The following ASCC3 variants were observed in gnomAD, a reference collection of about 807,000 sequenced individuals.
ASCC3 encodes the protein activating signal cointegrator 1 complex subunit 3.
In ASCC3, 158 loss-of-function variants were observed where a neutral mutation model predicts 256.3. That is an observed-to-expected ratio of 0.62 (90% CI 0.54 to 0.70). The LOEUF (loss-of-function observed/expected upper bound fraction) is 0.70, where lower values mean the gene tolerates loss of function less well. Ranked by LOEUF, ASCC3 falls within the 30% of genes least tolerant of loss-of-function variation. The pLI is 0.00. For missense variants in ASCC3, 2,259 were observed against 2,626.0 expected, an observed-to-expected ratio of 0.86 and a Z score of 3.05; for synonymous variants, 948 against 883.4, an observed-to-expected ratio of 1.07 and a Z score of -1.30.
intron 36 of ASCC3, among the ~76,000 whole-genome samples, chr6:100,586,350 A>C (rs144672249): frequency 0.034 from 5,187 of 152,224 alleles, 272 homozygotes; most frequent in African/African-American, 0.12. Flanking sequence ...CTGTGCTAGC[A>C]ATCAGTGAGA....
At chr6:100,843,552 T>C (rs974267981) in intron 4 of ASCC3, among the ~76,000 whole-genome samples, 4 of 152,184 alleles carry the variant, frequency 2.6e-5, no homozygotes, top group African/African-American at 9.7e-5. Flanking sequence ...GCATGTAATA[T>C]TGAAATAATA....
intron 36 of ASCC3, among the ~76,000 whole-genome samples, chr6:100,574,832 C>T (rs920832273): frequency 3.3e-5 from 5 of 151,968 alleles, no homozygotes; most frequent in Middle Eastern, 3.2e-3. Context: ...GGACTTCTAT[C>T]GGGAAAATAT....
intron 30 of ASCC3, among the ~76,000 whole-genome samples, chr6:100,608,992 G>A (rs1262700316): frequency 6.7e-6 from 1 of 149,924 alleles, no homozygotes; most frequent in Non-Finnish European, 1.5e-5. Context: ...TCGATCTCCT[G>A]GCCTCGTGAT....
chr6:100,518,239 C>A (rs1582375647), intron 37 of ASCC3, 97 bp from the exon 38 acceptor site: 3 of 1,330,520 alleles, frequency 2.3e-6, no homozygotes, highest in East Asian at 4.9e-5. Context: ...AACAAAGAAA[C>A]CAAGCATTGT....
chr6:100,781,352 G>A (rs1782439129), intron 8 of ASCC3, among the ~76,000 whole-genome samples: 1 of 151,984 alleles, frequency 6.6e-6, no homozygotes, highest in Non-Finnish European at 1.5e-5. Flanking sequence ...AGCTTGGATT[G>A]CAACTGCTCG....
intron 4 of ASCC3, among the ~76,000 whole-genome samples, chr6:100,812,920 ACT>A (rs1421268266): frequency 1.3e-5 from 2 of 151,592 alleles, no homozygotes; most frequent in African/African-American, 4.8e-5. Flanking sequence ...AGAGAGCAAC[ACT>A]CTGTCTCAAA....
chr6:100,868,493 A>C (rs1001846329), intron 1 of ASCC3, among the ~76,000 whole-genome samples: 1 of 152,182 alleles, frequency 6.6e-6, no homozygotes, highest in African/African-American at 2.4e-5. Context: ...ATGCCTCCTA[A>C]GATGCAGCCT....
At chr6:100,869,589 C>T (rs896535214) in intron 1 of ASCC3, among the ~76,000 whole-genome samples, 4 of 151,916 alleles carry the variant, frequency 2.6e-5, no homozygotes, top group Non-Finnish European at 4.4e-5. Flanking sequence ...AAGTGATAAC[C>T]TGGAAAAGAC....
chr6:100,732,206 C>T (rs978154677), intron 10 of ASCC3, among the ~76,000 whole-genome samples: 4 of 149,928 alleles, frequency 2.7e-5, no homozygotes, highest in Middle Eastern at 3.6e-3. Flanking sequence ...TATTGCAATA[C>T]CACACTACTA....
At chr6:100,706,476 A>C (rs1778589538) in intron 13 of ASCC3, among the ~76,000 whole-genome samples, 1 of 151,780 alleles carries the variant, frequency 6.6e-6, no homozygotes, top group Non-Finnish European at 1.5e-5. Context: ...AGTTCCTGAA[A>C]ACAAACCTCT....
chr6:100,597,809 G>GAAA (rs369974362), intron 34 of ASCC3, among the ~76,000 whole-genome samples: 10 of 88,600 alleles, frequency 1.1e-4, no homozygotes, highest in African/African-American at 2.8e-4. Flanking sequence ...CGTCTCTACT[G>GAAA]AAAAAAAAAA....
In ASCC3 at chr6:100,848,418, G is replaced by A. The variant is rs141216798; in HGVS notation, c.531C>T (p.Asp177=). Reference sequence around the variant, plus strand: ...CATTTATTGGCAGTTCGTCAAAGTGGTCCAAATCATGCATGTCAAATGAAA... The same window carrying A: ...CATTTATTGGCAGTTCGTCAAAGTGATCCAAATCATGCATGTCAAATGAAA... ...LAFSFDMHDL[D]HFDELPINGE... is the part of the protein sequence containing the mutation. Residue 177 remains aspartate (D), a synonymous_variant, in exon 4 of 42, where the codon GAC becomes GAT. Coordinates refer to ENST00000369162, the MANE Select transcript of ASCC3 (RefSeq NM_006828.4). The A allele has an allele frequency of 5.0e-5, 80 of 1,612,786 alleles. No homozygotes were observed. The East Asian group carries it at 1.6e-3, about 32-fold the overall frequency.
At chr6:100,631,543 A>G (rs1272465303) in intron 25 of ASCC3, among the ~76,000 whole-genome samples, 1 of 151,892 alleles carries the variant, frequency 6.6e-6, no homozygotes, top group Non-Finnish European at 1.5e-5. Context: ...AATAAAAACA[A>G]AACAAATTAT....
chr6:100,585,067 C>G (rs1007892804), intron 36 of ASCC3, among the ~76,000 whole-genome samples: 1 of 152,042 alleles, frequency 6.6e-6, no homozygotes, highest in Non-Finnish European at 1.5e-5. Context: ...CTTGGAGTTG[C>G]TCTTCTCGAG....
At chr6:100,524,121 G>A (rs1774443534) in intron 37 of ASCC3, among the ~76,000 whole-genome samples, 1 of 152,068 alleles carries the variant, frequency 6.6e-6, no homozygotes. Flanking sequence ...GTTAAGGCTT[G>A]ATTTTGGTTT....
At chr6:100,668,005 G>T (rs1255317015) in intron 14 of ASCC3, among the ~76,000 whole-genome samples, 1 of 151,918 alleles carries the variant, frequency 6.6e-6, no homozygotes, top group Non-Finnish European at 1.5e-5. Context: ...ATAGACAGTG[G>T]CCATTACTGA....
intron 37 of ASCC3, among the ~76,000 whole-genome samples, chr6:100,539,752 A>G (rs1341211738): frequency 6.8e-6 from 1 of 147,196 alleles, no homozygotes; most frequent in East Asian, 1.9e-4. Context: ...CTTTCTCTTT[A>G]TTTATTTTAC....
intron 38 of ASCC3, 38 bp downstream of exon 38, chr6:100,517,953 C>A (rs747727761): frequency 1.2e-6 from 2 of 1,603,118 alleles, no homozygotes; most frequent in African/African-American, 1.3e-5. Flanking sequence ...TTTTTGAAAT[C>A]AAAACAAAAC....
rs1054190805 is a variant in ASCC3, at chr6:100,642,819, T to C, written c.3733-70A>G. ...CATAAAGGCCTTATTAGTCTATTGT[T>C]AAGATAACGGTATCTCTACAAGATA... On this transcript the variant is annotated intron_variant, in intron 23 of 41. Transcript: ENST00000369162. 2.6e-5 allele frequency: 35 copies of C among 1,331,964 alleles called. No individual in the cohort carries two copies. In the African/African-American group the frequency reaches 4.2e-4, roughly 16 times the overall value. The allele number at this position is 1,331,964 out of a possible 1,614,324, so 82.5% of individuals were successfully genotyped here.
Sources: gnomAD v4.1 joint callset for allele counts (sites outside exome capture counted in the v4.1 genomes callset) on GRCh38, gnomAD v4.1.1 for gene constraint, MANE v1.5 for transcripts, NCBI Gene and HGNC (gene_info 2026-07-23, HGNC 2026-07-21) for gene names.